OPN5: variants seen among roughly 807,000 people sequenced by gnomAD.
The protein encoded by OPN5 is opsin-5.
OPN5 carries 18 observed loss-of-function variants against 41.7 expected under a neutral mutation model. That is an observed-to-expected ratio of 0.43 (90% CI 0.30 to 0.64). The LOEUF (loss-of-function observed/expected upper bound fraction) is 0.64, where lower values mean the gene tolerates loss of function less well. Among genes scored for constraint, OPN5 ranks in the 30% least tolerant of loss-of-function variants. The probability of loss-of-function intolerance (pLI) is 0.13; values close to 1 mark genes in which losing one functional copy is unlikely to be tolerated. For missense variants in OPN5, 318 were observed against 434.5 expected (o/e 0.73, Z 2.38); for synonymous variants, 178 against 164.3 (o/e 1.08, Z -0.64).
intron 4 of OPN5, among the ~76,000 whole-genome samples, chr6:47,806,312 TC>T (rs1773961058): frequency 6.6e-6 from 1 of 152,164 alleles, no homozygotes; most frequent in Non-Finnish European, 1.5e-5. Flanking sequence ...GTGTACGCTT[TC>T]TCAATTAGGG....
At chr6:47,784,352 A>G (rs1041447591) in intron 1 of OPN5, among the ~76,000 whole-genome samples, 1 of 151,746 alleles carries the variant, frequency 6.6e-6, no homozygotes, top group African/African-American at 2.4e-5. Flanking sequence ...GTTGGAGTGC[A>G]GTGGTGCGAT....
intron 1 of OPN5, among the ~76,000 whole-genome samples, chr6:47,784,725 C>T (rs541972222): frequency 1.3e-5 from 2 of 152,244 alleles, no homozygotes; most frequent in South Asian, 4.1e-4. Context: ...GTTTGAAATA[C>T]AGGAGACATA....
intron 4 of OPN5, among the ~76,000 whole-genome samples, chr6:47,804,247 T>C (rs536585948): frequency 6.6e-6 from 1 of 152,168 alleles, no homozygotes; most frequent in South Asian, 2.1e-4. Flanking sequence ...AATTGTCTAA[T>C]TTAGGATTTG....
At chr6:47,809,668 G>A (rs1324606484) in intron 5 of OPN5, among the ~76,000 whole-genome samples, 1 of 152,172 alleles carries the variant, frequency 6.6e-6, no homozygotes, top group Non-Finnish European at 1.5e-5. Context: ...CAAAATTGAT[G>A]TGTGAAAAGA....
chr6:47,796,067 C>A (rs1255170592), intron 4 of OPN5, among the ~76,000 whole-genome samples: 1 of 152,134 alleles, frequency 6.6e-6, no homozygotes, highest in Non-Finnish European at 1.5e-5. Flanking sequence ...TGAACACGAG[C>A]AGTTTCTGCA....
intron 6 of OPN5, among the ~76,000 whole-genome samples, chr6:47,819,400 A>ATATATATATATATATAT (rs1762535695): frequency 7.6e-6 from 1 of 131,774 alleles, no homozygotes; most frequent in Non-Finnish European, 1.6e-5. Context: ...ATATATATAT[A>ATATATATATATATATAT]AAACAGTATA....
intron 4 of OPN5, among the ~76,000 whole-genome samples, chr6:47,803,527 C>T (rs571181099): frequency 1.3e-5 from 2 of 152,286 alleles, no homozygotes; most frequent in East Asian, 1.9e-4. Flanking sequence ...CTCCTGGGAA[C>T]ATTTTCTCAC....
intron 6 of OPN5, among the ~76,000 whole-genome samples, chr6:47,812,423 A>G (rs1762273771): frequency 6.6e-6 from 1 of 152,206 alleles, no homozygotes; most frequent in Non-Finnish European, 1.5e-5. Context: ...TTGCTTAAGA[A>G]GTGAATTTAG....
At chr6:47,803,952 A>G (rs1416799578) in intron 4 of OPN5, among the ~76,000 whole-genome samples, 2 of 152,168 alleles carry the variant, frequency 1.3e-5, no homozygotes, top group African/African-American at 4.8e-5. Context: ...TCTTAGAAAC[A>G]TTACCTGCTG....
At chr6:47,810,825 T>C (rs1774162084) in intron 5 of OPN5, among the ~76,000 whole-genome samples, 1 of 152,148 alleles carries the variant, frequency 6.6e-6, no homozygotes, top group Non-Finnish European at 1.5e-5. Flanking sequence ...CCAGATGTAG[T>C]CTCCCATATT....
At chr6:47,782,366 G>T (rs1346967265) in intron 1 of OPN5, among the ~76,000 whole-genome samples, 170 bp downstream of exon 1, 1 of 152,074 alleles carries the variant, frequency 6.6e-6, no homozygotes, top group East Asian at 1.9e-4. Flanking sequence ...ATGTTTCCTA[G>T]AAATGACTCT....
chr6:47,821,018 A>G (rs1477804852), intron 6 of OPN5, among the ~76,000 whole-genome samples: 2 of 152,190 alleles, frequency 1.3e-5, no homozygotes, highest in Non-Finnish European at 2.9e-5. Context: ...GAGAAAATAT[A>G]TTTACGGTTC....
At chr6:47,824,225 G>A in exon 7 of OPN5, 1 of 559,606 alleles carries the variant, frequency 1.8e-6, no homozygotes, top group Non-Finnish European at 3.2e-6. Flanking sequence ...ACTAAAGAGT[G>A]CCAGAAACCC....
chr6:47,811,498 T>C (rs1383712336), intron 5 of OPN5, among the ~76,000 whole-genome samples, 176 bp from the exon 6 acceptor site: 2 of 152,178 alleles, frequency 1.3e-5, no homozygotes, highest in African/African-American at 4.8e-5. Context: ...AAATAATTCC[T>C]TGACTTTGAA....
At chr6:47,792,868 G>A (rs770023888) in intron 3 of OPN5, among the ~76,000 whole-genome samples, 1 of 150,660 alleles carries the variant, frequency 6.6e-6, no homozygotes, top group Non-Finnish European at 1.5e-5. Flanking sequence ...TGTCAATGTG[G>A]TAGAATTTCC....
At chr6:47,819,399 T>TAA (rs1554142001) in intron 6 of OPN5, among the ~76,000 whole-genome samples, 4 of 128,648 alleles carry the variant, frequency 3.1e-5, no homozygotes, top group Admixed American at 1.7e-4. Flanking sequence ...TATATATATA[T>TAA]AAAACAGTAT....
downstream of OPN5, chr6:47,825,589 T>C (rs546002075): frequency 6.6e-6 from 1 of 152,358 alleles, no homozygotes; most frequent in African/African-American, 2.4e-5. Flanking sequence ...TTGTACCACG[T>C]CCATTGAATG....
chr6:47,792,342 T>G (rs1390521730), intron 3 of OPN5, among the ~76,000 whole-genome samples: 2 of 152,220 alleles, frequency 1.3e-5, no homozygotes, highest in Non-Finnish European at 2.9e-5. Flanking sequence ...GAAGTGTAAT[T>G]ATAAGAAAAG....
intron 3 of OPN5, among the ~76,000 whole-genome samples, chr6:47,792,485 A>T (rs544619160): frequency 1.3e-5 from 2 of 152,338 alleles, no homozygotes; most frequent in South Asian, 4.1e-4. Flanking sequence ...AATATCACTC[A>T]ACATATTTTT....
Sources: allele counts gnomAD v4.1 joint callset (sites outside exome capture counted in the v4.1 genomes callset), GRCh38; gene constraint gnomAD v4.1.1; transcripts MANE v1.5; gene names NCBI Gene and HGNC (gene_info 2026-07-23, HGNC 2026-07-21).